The following ULK4 variants were observed in gnomAD, a reference collection of about 807,000 sequenced individuals.
The protein encoded by ULK4 is unc-51 like kinase 4, also known as inactive serine/threonine-protein kinase ULK4.
Under a neutral mutation model 160.6 loss-of-function variants are expected in ULK4, and 133 were observed. The ratio of observed to expected loss-of-function variants is 0.83; its 90% CI spans 0.72 to 0.96. The LOEUF (loss-of-function observed/expected upper bound fraction) is 0.96, where lower values mean the gene tolerates loss of function less well. Ranked by LOEUF, ULK4 falls within the 40% of genes least tolerant of loss-of-function variation. ULK4 has a pLI of 0.00. For synonymous variants in ULK4, 534 were observed against 539.8 expected (o/e 0.99, Z 0.15); for missense variants, 1,580 against 1,499.5 (o/e 1.05, Z -0.89).
chr3:41,732,679 G>A (rs1284098490), intron 22 of ULK4, among the ~76,000 whole-genome samples: 3 of 152,076 alleles, frequency 2.0e-5, no homozygotes, highest in Non-Finnish European at 4.4e-5. Context: ...CATGTTTACT[G>A]CAGCACTGTT....
At chr3:41,805,883 T>C (rs892029376) in intron 19 of ULK4, among the ~76,000 whole-genome samples, 9 of 146,460 alleles carry the variant, frequency 6.1e-5, no homozygotes, top group Non-Finnish European at 1.4e-4. Context: ...GGATTTGGTT[T>C]GCCAGTATTT....
Position 41,601,268 on chromosome 3 carries a change from G to GA in ULK4, c.3120+14400dup, listed in dbSNP as rs201995304. Among the ~76,000 whole-genome samples, 5 of 151,852 alleles carry GA rather than the reference G, an allele frequency of 3.3e-5. No individual in the cohort carries two copies. In the East Asian group the frequency reaches 7.7e-4, roughly 24 times the overall value. The stretch of plus-strand genomic sequence containing the variant: ...TACATAACAAAGTGATAGTATTCTA[G>GA]AAAAAAACACAAATTTCCAAAATAA... On this transcript the variant is annotated intron_variant, in intron 31 of 36. Transcript: ENST00000301831.
chr3:41,491,890 C>T (rs1393906971), intron 32 of ULK4, among the ~76,000 whole-genome samples: 1 of 149,556 alleles, frequency 6.7e-6, no homozygotes, highest in Non-Finnish European at 1.5e-5. Context: ...CCTCCCCCCA[C>T]CCCACAACAG....
chr3:41,411,522 G>C (rs551393962), intron 34 of ULK4, among the ~76,000 whole-genome samples: 43 of 151,528 alleles, frequency 2.8e-4, no homozygotes, highest in African/African-American at 1.0e-3. Context: ...CTGCCTCCGG[G>C]GTTCAAGTGA....
intron 32 of ULK4, among the ~76,000 whole-genome samples, chr3:41,495,559 A>G (rs2084955116): frequency 6.6e-6 from 1 of 151,214 alleles, no homozygotes; most frequent in African/African-American, 2.4e-5. Flanking sequence ...AATGGCAACA[A>G]AGGACAAAAT....
intron 34 of ULK4, among the ~76,000 whole-genome samples, chr3:41,428,666 G>A (rs1307620947): frequency 1.3e-5 from 2 of 152,106 alleles, no homozygotes; most frequent in African/African-American, 4.8e-5. Context: ...ACAAGCAATG[G>A]GGAAAGAATT....
chr3:41,475,384 TAGAC>T (rs2084108981), intron 32 of ULK4, among the ~76,000 whole-genome samples: 1 of 152,166 alleles, frequency 6.6e-6, no homozygotes, highest in Non-Finnish European at 1.5e-5. Flanking sequence ...AAATCTCAAT[TAGAC>T]AGAAGAAATA....
intron 27 of ULK4, among the ~76,000 whole-genome samples, chr3:41,685,068 T>TA (rs140786145): frequency 0.068 from 10,405 of 152,222 alleles, 980 homozygotes; most frequent in African/African-American, 0.21. Flanking sequence ...GCACAGGGAA[T>TA]AGTACTTTCT....
chr3:41,646,892 C>A (rs1371623327), intron 30 of ULK4, among the ~76,000 whole-genome samples: 2 of 152,180 alleles, frequency 1.3e-5, no homozygotes, highest in Admixed American at 6.5e-5. Context: ...TTGTTCATTT[C>A]TTTTTATTCA....
chr3:41,835,123 T>C (rs2041715286), intron 18 of ULK4, among the ~76,000 whole-genome samples: 1 of 152,024 alleles, frequency 6.6e-6, no homozygotes, highest in Admixed American at 6.6e-5. Flanking sequence ...GGTGGGAGAA[T>C]GATCTGAGCC....
At chr3:41,777,291 T>C (rs1266073411) in intron 21 of ULK4, among the ~76,000 whole-genome samples, 3 of 84,378 alleles carry the variant, frequency 3.6e-5, no homozygotes, top group African/African-American at 1.8e-4. Context: ...TTTTTTATTG[T>C]GTCTATTTGA....
chr3:41,665,379 A>G (rs1276393779), intron 29 of ULK4, among the ~76,000 whole-genome samples: 2 of 152,212 alleles, frequency 1.3e-5, no homozygotes, highest in Non-Finnish European at 2.9e-5. Context: ...CCCCAAGCAA[A>G]GAATAGTCTG....
intron 35 of ULK4, among the ~76,000 whole-genome samples, chr3:41,252,575 C>A (rs1575354996): frequency 2.8e-5 from 3 of 107,390 alleles, no homozygotes; most frequent in Non-Finnish European, 3.7e-5. Context: ...GAAGATAGAT[C>A]AATAGAAATT....
intron 32 of ULK4, among the ~76,000 whole-genome samples, chr3:41,523,913 G>A (rs1283057376): frequency 6.6e-6 from 1 of 152,046 alleles, no homozygotes; most frequent in Non-Finnish European, 1.5e-5. Context: ...ACAAAATGTA[G>A]TATATCCATA....
intron 35 of ULK4, among the ~76,000 whole-genome samples, chr3:41,309,504 T>C (rs1445884447): frequency 6.6e-6 from 1 of 152,046 alleles, no homozygotes; most frequent in Non-Finnish European, 1.5e-5. Context: ...TGCCCAGCTA[T>C]GAGATTTTAA....
intron 35 of ULK4, among the ~76,000 whole-genome samples, chr3:41,270,223 C>A (rs1028019884): frequency 6.6e-6 from 1 of 152,126 alleles, no homozygotes; most frequent in Non-Finnish European, 1.5e-5. Context: ...CACAGTCAGG[C>A]GGGGGAGGAT....
intron 32 of ULK4, among the ~76,000 whole-genome samples, chr3:41,547,076 G>A (rs2086889719): frequency 6.6e-6 from 1 of 152,178 alleles, no homozygotes; most frequent in African/African-American, 2.4e-5. Flanking sequence ...GTTACTACCA[G>A]TCACTGTCAT....
intron 31 of ULK4, among the ~76,000 whole-genome samples, chr3:41,591,976 T>C (rs1269485102): frequency 6.6e-6 from 1 of 152,200 alleles, no homozygotes; most frequent in African/African-American, 2.4e-5. Flanking sequence ...CAGCTCCCAG[T>C]TGGATGGACA....
rs573090146 is a variant in ULK4, at chr3:41,913,067, C to A, written c.804-168G>T. 4 of 577,420 alleles carry A rather than the reference C, an allele frequency of 6.9e-6. No homozygotes were observed. The Admixed American group carries it at 1.2e-4, about 18-fold the overall frequency. 35.8% of individuals were successfully genotyped at this position (577,420 alleles called of 1,614,324 possible). A position where few individuals can be genotyped will look rare whatever the true frequency, so the allele number is the denominator to read the frequency against. ...TTGTATGCTATTAACCTCTTTTAGA[C>A]AGCAAGATAAAAAGAAACAATTCAG... On this transcript the variant is annotated intron_variant, in intron 8 of 36. Transcript: ENST00000301831.
Sources: gnomAD v4.1 joint callset for allele counts (sites outside exome capture counted in the v4.1 genomes callset) on GRCh38, gnomAD v4.1.1 for gene constraint, MANE v1.5 for transcripts, NCBI Gene and HGNC (gene_info 2026-07-23, HGNC 2026-07-21) for gene names.